ANKRD11: variants seen among roughly 807,000 people sequenced by gnomAD.
ANKRD11 encodes ankyrin repeat domain-containing protein 11.
ANKRD11 carries 17 observed loss-of-function variants against 195.7 expected under a neutral mutation model. The observed-to-expected ratio is 0.09, with a 90% CI of 0.06 to 0.13. ANKRD11 has a LOEUF of 0.13. Among genes scored for constraint, ANKRD11 ranks in the 10% least tolerant of loss-of-function variants. The probability of loss-of-function intolerance (pLI) is 1.00; values close to 1 mark genes in which losing one functional copy is unlikely to be tolerated. For synonymous variants in ANKRD11, 1,953 were observed against 1,528.1 expected (o/e 1.28, Z -6.49); for missense variants, 3,735 against 3,566.1 (o/e 1.05, Z -1.21).
chr16:89,396,738 G>A (rs937672933), intron 2 of ANKRD11, among the ~76,000 whole-genome samples: 10 of 152,210 alleles, frequency 6.6e-5, no homozygotes, highest in Non-Finnish European at 1.2e-4. Flanking sequence ...CCAGGCTGGA[G>A]TGCAATGGCG....
At chr16:89,327,886 C>T (rs1247660567) in intron 2 of ANKRD11, among the ~76,000 whole-genome samples, 1 of 152,098 alleles carries the variant, frequency 6.6e-6, no homozygotes, top group African/African-American at 2.4e-5. Context: ...AACTGATAAA[C>T]GACCTCGACA....
chr16:89,432,998 T>TCACACA (rs142049824), intron 1 of ANKRD11, among the ~76,000 whole-genome samples: 9 of 140,088 alleles, frequency 6.4e-5, no homozygotes, highest in African/African-American at 2.4e-4. Context: ...CTCCTCTCTC[T>TCACACA]CACACACACA....
intron 1 of ANKRD11, among the ~76,000 whole-genome samples, chr16:89,480,567 G>A (rs959430016): frequency 5.9e-5 from 9 of 152,238 alleles, no homozygotes; most frequent in Admixed American, 3.9e-4. Context: ...AGTAACAGAA[G>A]ATATAAAACA....
intron 1 of ANKRD11, among the ~76,000 whole-genome samples, chr16:89,463,437 C>A (rs1597488060): frequency 6.6e-6 from 1 of 152,146 alleles, no homozygotes; most frequent in African/African-American, 2.4e-5. Flanking sequence ...AAGGGCGGTG[C>A]AAGATGTGCT....
chr16:89,312,040 G>A (rs1016646745), intron 3 of ANKRD11, among the ~76,000 whole-genome samples: 6 of 152,196 alleles, frequency 3.9e-5, no homozygotes, highest in African/African-American at 1.2e-4. Flanking sequence ...TGGGATTACA[G>A]GCATGCAACA....
intron 7 of ANKRD11, chr16:89,286,661 T>C: frequency 8.1e-7 from 1 of 1,229,484 alleles, no homozygotes; most frequent in Non-Finnish European, 1.0e-6. Flanking sequence ...AAAGACCAAG[T>C]TTCTGCAAGC....
intron 1 of ANKRD11, among the ~76,000 whole-genome samples, chr16:89,468,600 G>C (rs904065225): frequency 1.4e-4 from 22 of 152,198 alleles, no homozygotes; most frequent in African/African-American, 5.1e-4. Flanking sequence ...AGCTACTCAG[G>C]AGGCTGAGGC....
chr16:89,291,258 A>G lies in ANKRD11; in HGVS notation c.227-75T>C. On this transcript the variant is annotated intron_variant, in intron 4 of 12. Transcript: ENST00000301030. This position sits in a 1 kb window ranked among gnomAD's most constrained non-coding sequence, Gnocchi z 5.3. ...TCCTCCAAAGCTAGGTCCTTACCTA[A>G]TGTTACGGAGCCCCCTGCGTCCACC... 2 of 1,567,238 alleles carry G rather than the reference A, an allele frequency of 1.3e-6. No individual in the cohort carries two copies. The highest frequency in any genetic ancestry group is 2.2e-5 in the South Asian group (2 of 89,534).
intron 2 of ANKRD11, among the ~76,000 whole-genome samples, chr16:89,337,429 C>CT (rs1165680827): frequency 0.44 from 22,621 of 51,598 alleles, 9,109 homozygotes; most frequent in Middle Eastern, 0.54. Flanking sequence ...CTAAGCAATT[C>CT]TTTTTTTTTT....
At chr16:89,273,097 A>C (rs958232881) in intron 11 of ANKRD11, 2 of 151,740 alleles carry the variant, frequency 1.3e-5, no homozygotes, top group African/African-American at 2.4e-5. Context: ...ATCTGACAGC[A>C]CAATAGGGTA....
At chr16:89,423,295 G>A (rs899785717) in intron 1 of ANKRD11, among the ~76,000 whole-genome samples, 1 of 152,250 alleles carries the variant, frequency 6.6e-6, no homozygotes, top group South Asian at 2.1e-4. Context: ...GGGAGCCACT[G>A]ACGATGGGCA....
chr16:89,367,229 G>A (rs977618206), intron 2 of ANKRD11, among the ~76,000 whole-genome samples: 7 of 152,338 alleles, frequency 4.6e-5, no homozygotes, highest in Middle Eastern at 3.4e-3. Context: ...TCCACTCCAC[G>A]TGGGAGTTCA....
chr16:89,417,175 A>G (rs1249337977), intron 2 of ANKRD11, among the ~76,000 whole-genome samples: 2 of 152,226 alleles, frequency 1.3e-5, no homozygotes, highest in Admixed American at 6.5e-5. Context: ...GGTGTATTTT[A>G]AAGTGGCCTG....
chr16:89,345,415 C>G (rs894397664), intron 2 of ANKRD11, among the ~76,000 whole-genome samples: 4 of 152,206 alleles, frequency 2.6e-5, no homozygotes, highest in Non-Finnish European at 5.9e-5. Context: ...CTATTAAGGG[C>G]TAGCACTGGG....
rs113553931 is a variant in ANKRD11, at chr16:89,322,784, G to A, written c.-59-5706C>T. Among the ~76,000 whole-genome samples the A allele has an allele frequency of 2.6e-5, 4 of 152,384 alleles. No homozygotes were observed. In the South Asian group the frequency reaches 8.3e-4, roughly 32 times the overall value. Reference sequence around the variant, plus strand: ...GGGCACAGCCCCGCATGGTGATGAGGTGTGGCCTGCCTGCAGCACACGGCC... The same window carrying A: ...GGGCACAGCCCCGCATGGTGATGAGATGTGGCCTGCCTGCAGCACACGGCC... On this transcript the variant is annotated intron_variant, in intron 2 of 12. Transcript: ENST00000301030.
Position 89,281,611 on chromosome 16 carries a change from C to A in ANKRD11, c.4931G>T (p.Gly1644Val), listed in dbSNP as rs1567566805. The A allele has an allele frequency of 6.2e-7, 1 of 1,614,174 alleles. No homozygotes were observed. Among genetic ancestry groups the A allele is most frequent in the East Asian group, 2.2e-5 (1 of 44,874 alleles). ...TTTGTCTTTAAATGGAGGGTCCAGC[C>A]CCGGCGGTTTCTTAGCAGGAATGTC... ...GLDIPAKKPP[G>V]LDPPFKDKKL... Residue 1644 changes from glycine (G) to valine (V), a missense_variant, in exon 9 of 13, where the codon GGG becomes GTG. Transcript: ENST00000301030. The surrounding 1 kb of genome is among the most constrained non-coding windows in gnomAD (Gnocchi z 5.5).
intron 1 of ANKRD11, among the ~76,000 whole-genome samples, chr16:89,473,309 A>G (rs1203832527): frequency 6.6e-6 from 1 of 152,194 alleles, no homozygotes; most frequent in African/African-American, 2.4e-5. Flanking sequence ...CATACTTACT[A>G]CTGAAAATAA....
At chr16:89,274,214 CAG>C (rs2033438233) in intron 11 of ANKRD11, among the ~76,000 whole-genome samples, 1 of 152,180 alleles carries the variant, frequency 6.6e-6, no homozygotes. Context: ...TCCCAGTGGA[CAG>C]AGCAGGTCAA....
At chr16:89,301,907 G>T (rs1468332267) in intron 4 of ANKRD11, among the ~76,000 whole-genome samples, 2 of 152,208 alleles carry the variant, frequency 1.3e-5, no homozygotes, top group East Asian at 3.9e-4. Flanking sequence ...CAACATGGAG[G>T]TCTCTGAGGG....
Sources: allele counts gnomAD v4.1 joint callset (sites outside exome capture counted in the v4.1 genomes callset), GRCh38; gene constraint gnomAD v4.1.1; non-coding constraint Gnocchi (gnomAD v3.1); transcripts MANE v1.5; gene names NCBI Gene and HGNC (gene_info 2026-07-23, HGNC 2026-07-21).